The following TMEM71 variants were observed in gnomAD, a reference collection of about 807,000 sequenced individuals.
The protein encoded by TMEM71 is transmembrane protein 71.
In TMEM71, 44 loss-of-function variants were observed where a neutral mutation model predicts 38.0. The observed-to-expected ratio is 1.16, with a 90% CI of 0.91 to 1.49. The LOEUF (loss-of-function observed/expected upper bound fraction) is 1.49. TMEM71 is among the 40% of genes most tolerant of loss of function. TMEM71 has a pLI of 0.00. For synonymous variants in TMEM71, 133 were observed against 122.5 expected, an observed-to-expected ratio of 1.09 and a Z score of -0.56; for missense variants, 367 against 348.6, an observed-to-expected ratio of 1.05 and a Z score of -0.42.
At position 132,710,956 on chromosome 8, in the gene TMEM71, C is replaced by T; in HGVS notation, c.*11G>A. ...TGGAGGACATTCATCGAAGGCATTC[C>T]TAAATGGTTGTCAAATTTTGACAAA... On this transcript the variant is annotated 3_prime_UTR_variant, in exon 10 of 10. Coordinates refer to ENST00000677595, the MANE Select transcript of TMEM71 (RefSeq NM_001382403.1). 1 of 1,608,182 alleles carries T rather than the reference C, an allele frequency of 6.2e-7. No individual in the cohort carries two copies. Among genetic ancestry groups the T allele is most frequent in the Non-Finnish European group, 8.5e-7 (1 of 1,177,724 alleles).
chr8:132,756,435 A>G (rs1468583048), intron 3 of TMEM71, among the ~76,000 whole-genome samples: 1 of 143,864 alleles, frequency 7.0e-6, no homozygotes, highest in Admixed American at 7.0e-5. Flanking sequence ...ATATATATAT[A>G]TATATATTCA....
chr8:132,722,075 C>G lies in TMEM71; in HGVS notation c.717G>C (p.Leu239=), dbSNP rs1265444763. 2 of 1,613,972 alleles carry G rather than the reference C, an allele frequency of 1.2e-6. No homozygotes were observed. Among genetic ancestry groups the G allele is most frequent in the Non-Finnish European group, 1.7e-6 (2 of 1,179,994 alleles). ...CAGAAATGATTAAGCACACAGCAAG[C>G]AGGATTGCCTGAAAGAAGACCTCTT... is the stretch of plus-strand genomic sequence containing the variant. ...LLQEVFFQAI[L]LAVCLIISAC... is the part of the protein sequence containing the mutation. Residue 239 remains leucine, a synonymous_variant, in exon 7 of 10, where the codon CTG becomes CTC. Coordinates refer to ENST00000677595, the MANE Select transcript of TMEM71 (RefSeq NM_001382403.1).
intron 5 of TMEM71, among the ~76,000 whole-genome samples, chr8:132,743,815 G>A (rs1828186059): frequency 6.6e-6 from 1 of 152,072 alleles, no homozygotes; most frequent in African/African-American, 2.4e-5. Context: ...TTCAAACCAT[G>A]CATGCTATCT....
At chr8:132,716,171 C>A (rs913140950) in intron 7 of TMEM71, among the ~76,000 whole-genome samples, 6 of 152,242 alleles carry the variant, frequency 3.9e-5, no homozygotes, top group Non-Finnish European at 8.8e-5. Context: ...CCCCCTGTGC[C>A]TGCAGGCTTG....
chr8:132,713,967 C>T (rs1285160362), intron 9 of TMEM71, 28 bp downstream of exon 9: 1 of 1,609,928 alleles, frequency 6.2e-7, no homozygotes, highest in African/African-American at 1.3e-5. Context: ...TTGGTCCAGA[C>T]AATAATGATG....
intron 5 of TMEM71, among the ~76,000 whole-genome samples, chr8:132,740,171 C>T (rs1378020605): frequency 6.6e-6 from 1 of 152,144 alleles, no homozygotes; most frequent in African/African-American, 2.4e-5. Context: ...TCCTGACACA[C>T]CTTTCAGTCT....
the TMEM71 span, among the ~76,000 whole-genome samples, chr8:132,767,568 G>A: frequency 2.5e-4 from 37 of 150,570 alleles, no homozygotes; most frequent in African/African-American, 7.3e-4. Context: ...TCTGCTTCCC[G>A]GGCTCAAGCA....
At position 132,727,891 on chromosome 8, in the gene TMEM71, A is replaced by ATATGATGTGGC. The variant is rs1827236819; in HGVS notation, c.572_582dup (p.Ser195AlafsTer21). ...TGGGAGTTTCCTCCAGGAGGCTGAG[A>ATATGATGTGGC]TATGATGTGGCTGGAAGAGGAGGTG... On this transcript the variant is annotated frameshift_variant, in exon 6 of 10. Coordinates refer to ENST00000677595, the MANE Select transcript of TMEM71 (RefSeq NM_001382403.1). LOFTEE classifies it high-confidence loss of function. The ATATGATGTGGC allele has an allele frequency of 6.2e-7, 1 of 1,614,060 alleles. No individual in the cohort carries two copies. Among genetic ancestry groups the ATATGATGTGGC allele is most frequent in the Admixed American group, 1.7e-5 (1 of 59,996 alleles).
At chr8:132,757,136 T>C (rs986463179) in intron 3 of TMEM71, 98 bp downstream of exon 3, 1 of 703,244 alleles carries the variant, frequency 1.4e-6, no homozygotes, top group African/African-American at 1.9e-5. Flanking sequence ...GACCTCGTGA[T>C]CCGCCTGCCT....
At chr8:132,733,880 T>A (rs748188871) in intron 5 of TMEM71, among the ~76,000 whole-genome samples, 1 of 152,182 alleles carries the variant, frequency 6.6e-6, no homozygotes, top group Non-Finnish European at 1.5e-5. Flanking sequence ...GAGCACAGTA[T>A]GCCAAGTGAA....
At chr8:132,755,036 T>C (rs1828927340) in intron 3 of TMEM71, among the ~76,000 whole-genome samples, 1 of 152,308 alleles carries the variant, frequency 6.6e-6, no homozygotes, top group Middle Eastern at 3.4e-3. Context: ...TTTCTCCTAC[T>C]CTAGTGCTCT....
intron 5 of TMEM71, among the ~76,000 whole-genome samples, chr8:132,732,278 A>C (rs757807538): frequency 2.0e-5 from 3 of 152,202 alleles, no homozygotes; most frequent in African/African-American, 4.8e-5. Flanking sequence ...GCAGCGCTTC[A>C]GTGGAAACTG....
the TMEM71 span, among the ~76,000 whole-genome samples, chr8:132,767,681 T>C: frequency 1.3e-5 from 2 of 152,108 alleles, no homozygotes; most frequent in Non-Finnish European, 2.9e-5. Flanking sequence ...CACACCATGT[T>C]GGCCAGGATG....
At chr8:132,742,505 C>T (rs1469836843) in intron 5 of TMEM71, among the ~76,000 whole-genome samples, 3 of 152,238 alleles carry the variant, frequency 2.0e-5, no homozygotes, top group Non-Finnish European at 4.4e-5. Context: ...CCACATACTA[C>T]TCTTAAATCT....
chr8:132,715,804 T>C (rs966309602), intron 7 of TMEM71, among the ~76,000 whole-genome samples: 3 of 152,262 alleles, frequency 2.0e-5, no homozygotes, highest in Admixed American at 1.3e-4. Context: ...TGTGGGTTAG[T>C]ATATTTTCTT....
At position 132,721,996 on chromosome 8, in the gene TMEM71, A is replaced by G. The variant is rs76316212; in HGVS notation, c.752+44T>C. On this transcript the variant is annotated intron_variant, in intron 7 of 9. Transcript: ENST00000677595. Reference sequence around the variant, plus strand: ...GAAATCATCAATCAGCTATAGTTTCACTAATTATGAAATACCGCTGCATGA... The same window carrying G: ...GAAATCATCAATCAGCTATAGTTTCGCTAATTATGAAATACCGCTGCATGA... 3.4e-3 allele frequency: 5,127 copies of G among 1,493,706 alleles called. 131 individuals carry two copies. In the East Asian group the frequency reaches 0.062, roughly 18 times the overall value. The allele number at this position is 1,493,706 out of a possible 1,614,324, so 92.5% of individuals were successfully genotyped here.
intron 2 of TMEM71, chr8:132,758,479 C>A: frequency 5.1e-6 from 1 of 194,780 alleles, no homozygotes. Context: ...GAAACCACTA[C>A]CGTTTTAACA....
chr8:132,729,215 G>A (rs1827318588), intron 5 of TMEM71, among the ~76,000 whole-genome samples: 1 of 152,210 alleles, frequency 6.6e-6, no homozygotes, highest in Admixed American at 6.6e-5. Context: ...TTGAGTCAGA[G>A]ATTAGGGGAT....
At chr8:132,749,084 A>C (rs990776226) in intron 4 of TMEM71, among the ~76,000 whole-genome samples, 2 of 152,200 alleles carry the variant, frequency 1.3e-5, no homozygotes, top group African/African-American at 4.8e-5. Context: ...TTTTTATAGC[A>C]AATATTGGCA....
Sources: gnomAD v4.1 joint callset for allele counts (sites outside exome capture counted in the v4.1 genomes callset) on GRCh38, gnomAD v4.1.1 for gene constraint, MANE v1.5 for transcripts, NCBI Gene and HGNC (gene_info 2026-07-23, HGNC 2026-07-21) for gene names.